Variants in GNAQ observed in about 807,000 individuals in gnomAD.
GNAQ encodes the protein G protein subunit alpha q.
GNAQ carries 8 observed loss-of-function variants against 43.9 expected under a neutral mutation model. The ratio of observed to expected loss-of-function variants is 0.18; its 90% CI spans 0.11 to 0.33. The LOEUF (loss-of-function observed/expected upper bound fraction) is 0.33, where lower values mean the gene tolerates loss of function less well. GNAQ is among the 10% of genes least tolerant of loss of function. GNAQ has a pLI of 1.00. For synonymous variants in GNAQ, 155 were observed against 170.7 expected, an observed-to-expected ratio of 0.91 and a Z score of 0.71; for missense variants, 158 against 450.8, an observed-to-expected ratio of 0.35 and a Z score of 5.88.
chr9:77,724,498 G>GT (rs1408192103), intron 6 of GNAQ, among the ~76,000 whole-genome samples: 2 of 152,056 alleles, frequency 1.3e-5, no homozygotes, highest in Non-Finnish European at 2.9e-5. Flanking sequence ...CACCCAGCAG[G>GT]TTTTTTTCTA....
chr9:77,961,143 T>C (rs1402159365), intron 1 of GNAQ, among the ~76,000 whole-genome samples: 1 of 152,196 alleles, frequency 6.6e-6, no homozygotes, highest in Non-Finnish European at 1.5e-5. Flanking sequence ...GACTTTGAAT[T>C]TATACTCATT....
chr9:77,991,777 C>T (rs1823511033), intron 1 of GNAQ, among the ~76,000 whole-genome samples: 1 of 152,128 alleles, frequency 6.6e-6, no homozygotes, highest in African/African-American at 2.4e-5. Flanking sequence ...GCCTTTGTAT[C>T]CTCACAGCTT....
chr9:77,855,416 G>A (rs967758642), intron 2 of GNAQ, among the ~76,000 whole-genome samples: 1 of 152,076 alleles, frequency 6.6e-6, no homozygotes, highest in Non-Finnish European at 1.5e-5. Flanking sequence ...AGAGATATAA[G>A]CTGTGTTTTA....
At chr9:77,799,083 T>C (rs1826703538) in intron 3 of GNAQ, among the ~76,000 whole-genome samples, 1 of 152,190 alleles carries the variant, frequency 6.6e-6, no homozygotes, top group African/African-American at 2.4e-5. Context: ...TCTGAAATGT[T>C]GAGAATGACA....
intron 1 of GNAQ, among the ~76,000 whole-genome samples, chr9:77,992,442 T>G (rs1192142695): frequency 1.3e-5 from 2 of 152,168 alleles, no homozygotes; most frequent in African/African-American, 4.8e-5. Flanking sequence ...GAACACAAAA[T>G]AGTGAAATTT....
intron 1 of GNAQ, among the ~76,000 whole-genome samples, chr9:78,015,167 G>A (rs1823823429): frequency 6.6e-6 from 1 of 152,118 alleles, no homozygotes; most frequent in African/African-American, 2.4e-5. Context: ...GATATGTTTG[G>A]ATACACAAAT....
Position 77,794,511 on chromosome 9 carries a change from T to C in GNAQ, c.687A>G (p.Leu229=), listed in dbSNP as rs138643476. 1.1e-5 allele frequency: 17 copies of C among 1,601,816 alleles called. No individual in the cohort carries two copies. The highest frequency in any genetic ancestry group is 2.2e-5 in the East Asian group (1 of 44,748). ...CTTGATCATATTCACTAAGCGCTAC[T>C]AGAAACATGATAGAGGTGACATTTT... The part of the protein sequence containing the change: ...CFENVTSIMF[L]VALSEYDQVL... Residue 229 remains leucine (L), a synonymous_variant, in exon 5 of 7, where the codon CTA becomes CTG. Coordinates refer to ENST00000286548, the MANE Select transcript of GNAQ (RefSeq NM_002072.5).
intron 1 of GNAQ, among the ~76,000 whole-genome samples, chr9:77,922,986 T>C (rs1829019578): frequency 6.6e-6 from 1 of 151,878 alleles, no homozygotes; most frequent in South Asian, 2.1e-4. Flanking sequence ...TAGCTGGAAC[T>C]ACAGGCATGC....
intron 3 of GNAQ, among the ~76,000 whole-genome samples, chr9:77,798,871 G>T (rs1473693577): frequency 6.6e-6 from 1 of 152,140 alleles, no homozygotes; most frequent in African/African-American, 2.4e-5. Context: ...AGGGCTGACT[G>T]TATTATGGGG....
intron 5 of GNAQ, among the ~76,000 whole-genome samples, chr9:77,751,455 C>A (rs530350438): frequency 1.3e-5 from 2 of 152,162 alleles, no homozygotes; most frequent in Admixed American, 1.3e-4. Flanking sequence ...GTAATTTTCA[C>A]GTAATAAATT....
At chr9:77,963,575 G>A (rs1039338522) in intron 1 of GNAQ, among the ~76,000 whole-genome samples, 4 of 152,124 alleles carry the variant, frequency 2.6e-5, no homozygotes, top group Non-Finnish European at 2.9e-5. Context: ...GCTACGAAGA[G>A]GTGGAAGTCA....
chr9:77,784,988 G>A (rs939622228), intron 5 of GNAQ, among the ~76,000 whole-genome samples: 1 of 152,180 alleles, frequency 6.6e-6, no homozygotes, highest in Non-Finnish European at 1.5e-5. Flanking sequence ...CTGTTGGTGG[G>A]AGTGCCAACT....
intron 5 of GNAQ, among the ~76,000 whole-genome samples, chr9:77,789,501 AG>A (rs1055435696): frequency 5.3e-5 from 8 of 152,192 alleles, no homozygotes; most frequent in African/African-American, 1.9e-4. Flanking sequence ...CCTTAAAAAA[AG>A]TATCATTTAA....
intron 2 of GNAQ, among the ~76,000 whole-genome samples, chr9:77,837,377 C>T (rs1827407215): frequency 6.6e-6 from 1 of 151,868 alleles, no homozygotes; most frequent in African/African-American, 2.4e-5. Context: ...CATGGTGAGA[C>T]CCCCGTCTCT....
chr9:78,025,342 C>G (rs1823964179), intron 1 of GNAQ, among the ~76,000 whole-genome samples: 1 of 152,180 alleles, frequency 6.6e-6, no homozygotes, highest in African/African-American at 2.4e-5. Context: ...GTGTTTGGGT[C>G]TGAGAGCAGC....
At chr9:77,931,302 A>C (rs1829145870) in intron 1 of GNAQ, among the ~76,000 whole-genome samples, 1 of 151,944 alleles carries the variant, frequency 6.6e-6, no homozygotes, top group South Asian at 2.1e-4. Context: ...AATTTATTTA[A>C]AGAACTCTCA....
At chr9:77,927,388 T>C (rs1306761271) in intron 1 of GNAQ, among the ~76,000 whole-genome samples, 1 of 152,170 alleles carries the variant, frequency 6.6e-6, no homozygotes, top group Non-Finnish European at 1.5e-5. Context: ...GCTATTATGT[T>C]ATCAAAAGAG....
chr9:77,744,650 G>A (rs1478396351), intron 5 of GNAQ, among the ~76,000 whole-genome samples: 2 of 152,138 alleles, frequency 1.3e-5, no homozygotes, highest in Non-Finnish European at 2.9e-5. Flanking sequence ...AGAGGATTAT[G>A]AAGAAAATTA....
intron 5 of GNAQ, among the ~76,000 whole-genome samples, chr9:77,743,663 T>A (rs1305205537): frequency 2.1e-5 from 2 of 97,364 alleles, no homozygotes; most frequent in East Asian, 4.9e-4. Flanking sequence ...CTTTTTTTTT[T>A]AAACTGACTG....
Sources: allele counts gnomAD v4.1 joint callset (sites outside exome capture counted in the v4.1 genomes callset), GRCh38; gene constraint gnomAD v4.1.1; transcripts MANE v1.5; gene names NCBI Gene and HGNC (gene_info 2026-07-23, HGNC 2026-07-21).